The following PCSK9 variants were observed in gnomAD, a reference collection of about 807,000 sequenced individuals.
PCSK9 encodes the protein convertase subtilisin/kexin type 9 preproprotein.
Under a neutral mutation model 62.1 loss-of-function variants are expected in PCSK9, and 57 were observed. The observed-to-expected ratio is 0.92, with a 90% CI of 0.74 to 1.14. The LOEUF is 1.14. Among genes scored for constraint, PCSK9 ranks in the 50% most tolerant of loss-of-function variants. The probability of loss-of-function intolerance (pLI) is 0.00; values close to 1 mark genes in which losing one functional copy is unlikely to be tolerated. For missense variants in PCSK9, 870 were observed against 959.8 expected, an observed-to-expected ratio of 0.91 and a Z score of 1.24; for synonymous variants, 387 against 409.4, an observed-to-expected ratio of 0.95 and a Z score of 0.66.
Position 55,063,507 on chromosome 1 carries a change from A to G in PCSK9, c.2002A>G (p.Ser668Gly), listed in dbSNP as rs775077080. 2.5e-5 allele frequency: 40 copies of G among 1,613,848 alleles called. No individual in the cohort carries two copies. In the Admixed American group the frequency reaches 2.5e-4, roughly 10 times the overall value. The change falls in exon 12 of 12, where the codon AGC becomes GGC. Residue 668 changes from serine (S) to glycine (G), a missense_variant. Transcript: ENST00000302118. ...GGACGTCAGCACTACAGGCAGCACC[A>G]GCGAAGGGGCCGTGACAGCCGTTGC... ...SRDVSTTGST[S>G]EGAVTAVAIC...
rs574653669 is a variant in PCSK9 at position 55,039,698 on chromosome 1, C to T, written c.-140C>T. Reference sequence around the variant, plus strand: ...CTCCCAGCTCCCAGCCAGGATTCCGCGCGCCCCTTCACGCGCCCTGCTCCT... The same window carrying T: ...CTCCCAGCTCCCAGCCAGGATTCCGTGCGCCCCTTCACGCGCCCTGCTCCT... On this transcript the variant is annotated 5_prime_UTR_variant, in exon 1 of 12. Transcript: ENST00000302118. 4.3e-4 allele frequency: 429 copies of T among 1,006,036 alleles called. 5 individuals are homozygous for T. In the South Asian group the frequency reaches 6.4e-3, roughly 15 times the overall value. The allele number at this position is 1,006,036 out of a possible 1,614,324, so 62.3% of individuals were successfully genotyped here.
In PCSK9 at chr1:55,052,342, C is replaced by G. The variant is rs762910129; in HGVS notation, c.588C>G (p.Ile196Met). 6.2e-7 allele frequency: 1 copy of G among 1,613,832 alleles called. No individual in the cohort carries two copies. The highest frequency in any genetic ancestry group is 1.3e-5 in the African/African-American group (1 of 74,872). The change falls in exon 4 of 12, where the codon ATC (isoleucine) becomes ATG (methionine). Residue 196 changes from isoleucine (I) to methionine (M), a missense_variant. Coordinates refer to ENST00000302118, the MANE Select transcript of PCSK9 (RefSeq NM_174936.4). ...DTSIQSDHRE[I>M]EGRVMVTDFE... ...GCATACAGAGTGACCACCGGGAAAT[C>G]GAGGGCAGGGTCATGGTCACCGACT...
Position 55,064,460 on chromosome 1 carries a change from C to G in PCSK9, c.*876C>G, listed in dbSNP as rs1171392767. 6.6e-6 allele frequency: 1 copy of G among 152,248 alleles called. No homozygotes were observed. Among genetic ancestry groups the G allele is most frequent in the Non-Finnish European group, 1.5e-5 (1 of 68,058 alleles). 9.4% of individuals were successfully genotyped at this position (152,248 alleles called of 1,614,324 possible). A position where few individuals can be genotyped will look rare whatever the true frequency, so the allele number is the denominator to read the frequency against. ...GGCTGGCTCTGAAGCCAAGCCTCTT[C>G]TTACTTCACCCGGCTGGGCTCCTCA... On this transcript the variant is annotated 3_prime_UTR_variant, in exon 12 of 12. Coordinates refer to ENST00000302118, the MANE Select transcript of PCSK9 (RefSeq NM_174936.4).
chr1:55,052,527 G>A, intron 4 of PCSK9, 116 bp downstream of exon 4: 1 of 1,600,638 alleles, frequency 6.2e-7, no homozygotes, highest in Non-Finnish European at 8.5e-7. Flanking sequence ...ACCCCCCCCA[G>A]CTGTCACTGT....
At chr1:55,041,204 G>T (rs533253922) in intron 1 of PCSK9, among the ~76,000 whole-genome samples, 2 of 152,326 alleles carry the variant, frequency 1.3e-5, no homozygotes, top group Admixed American at 1.3e-4. Context: ...AGTGTGACCT[G>T]TTGGTGACAT....
intron 9 of PCSK9, 61 bp downstream of exon 9, chr1:55,058,708 T>C (rs1414251573): frequency 2.6e-6 from 4 of 1,517,524 alleles, no homozygotes; most frequent in Admixed American, 2.1e-5. Context: ...TGTGTGTGTG[T>C]GTGTGTGTGT....
chr1:55,063,863 G>A lies in PCSK9; in HGVS notation c.*279G>A, dbSNP rs1644781821. On this transcript the variant is annotated 3_prime_UTR_variant, in exon 12 of 12. Transcript: ENST00000302118. ...TTCAAACAGGTCGAGCTGTGCTCGG[G>A]TGCTGCCAGCTGCTCCCAATGTGCC... The A allele has an allele frequency of 1.9e-6, 1 of 521,008 alleles. No homozygotes were observed. The highest frequency in any genetic ancestry group is 3.4e-6 in the Non-Finnish European group (1 of 290,952). 32.3% of individuals were successfully genotyped at this position (521,008 alleles called of 1,614,324 possible). A position where few individuals can be genotyped will look rare whatever the true frequency, so the allele number is the denominator to read the frequency against.
chr1:55,046,012 G>GCA (rs1175979240), intron 2 of PCSK9, among the ~76,000 whole-genome samples: 1 of 152,180 alleles, frequency 6.6e-6, no homozygotes, highest in Non-Finnish European at 1.5e-5. Flanking sequence ...CCCAGCTGCT[G>GCA]ATGCACTCTT....
chr1:55,048,741 G>T lies in PCSK9; in HGVS notation c.523+2095G>T, dbSNP rs28362227. Among the ~76,000 whole-genome samples, 329 of 152,344 alleles carry T rather than the reference G, an allele frequency of 2.2e-3. 1 individual carries two copies. Among genetic ancestry groups the T allele is most frequent in the African/African-American group, 7.7e-3 (321 of 41,576 alleles). ...CTCTTAACTGTGTGACCTTGCATAC[G>T]TCACTCACCCTCTCTGATCTTCAGG... On this transcript the variant is annotated intron_variant, in intron 3 of 11. Coordinates refer to ENST00000302118, the MANE Select transcript of PCSK9 (RefSeq NM_174936.4).
At chr1:55,048,506 G>A (rs1451625150) in intron 3 of PCSK9, among the ~76,000 whole-genome samples, 2 of 152,174 alleles carry the variant, frequency 1.3e-5, no homozygotes, top group African/African-American at 4.8e-5. Flanking sequence ...CGCTTCCCCC[G>A]AGTGTCTGTG....
chr1:55,055,930 G>C, intron 5 of PCSK9, 63 bp from the exon 6 acceptor site: 2 of 1,475,860 alleles, frequency 1.4e-6, no homozygotes, highest in South Asian at 2.5e-5. Flanking sequence ...GTGCCTGTAA[G>C]GGAGGGGCTG....
Position 55,061,559 on chromosome 1 carries a change from G to A in PCSK9, c.1863+3G>A. The A allele has an allele frequency of 6.3e-7, 1 of 1,591,226 alleles. No individual in the cohort carries two copies. The highest frequency in any genetic ancestry group is 8.6e-7 in the Non-Finnish European group (1 of 1,168,956). On this transcript the variant is annotated splice_donor_region_variant and intron_variant, in intron 11 of 11. Transcript: ENST00000302118. ...GAATCCCGGCCCCTCAGGAGCAGGT[G>A]AAGAGGCCCGTGAGGCCGGGTGGGT...
chr1:55,063,278 T>C (rs551862551), intron 11 of PCSK9, 91 bp from the exon 12 acceptor site: 78 of 1,424,042 alleles, frequency 5.5e-5, no homozygotes, highest in Non-Finnish European at 7.4e-5. Context: ...CACTTTGGCC[T>C]CACAGAAGGA....
In PCSK9 at chr1:55,040,094, G is replaced by T; in HGVS notation, c.207+50G>T. 6.5e-7 allele frequency: 1 copy of T among 1,540,364 alleles called. No individual in the cohort carries two copies. Among genetic ancestry groups the T allele is most frequent in the Non-Finnish European group, 8.8e-7 (1 of 1,140,280 alleles). The stretch of plus-strand genomic sequence containing the variant: ...GGGGCGAACCCGCAGCCGGGACGGT[G>T]CGGTGCTGTTTCCTCTCGGGCCTCA... On this transcript the variant is annotated intron_variant, in intron 1 of 11. Transcript: ENST00000302118. The surrounding 1 kb of genome is among the most constrained non-coding windows in gnomAD (Gnocchi z 4.1).
At chr1:55,041,400 C>T (rs1458234400) in intron 1 of PCSK9, among the ~76,000 whole-genome samples, 2 of 152,080 alleles carry the variant, frequency 1.3e-5, no homozygotes, top group Admixed American at 1.3e-4. Flanking sequence ...GGGTTGTGGC[C>T]AGGATAAGAA....
rs145770391 is a variant in PCSK9, at chr1:55,063,434, C to G, written c.1929C>G (p.His643Gln). The G allele has an allele frequency of 6.2e-7, 1 of 1,613,982 alleles. No homozygotes were observed. Among genetic ancestry groups the G allele is most frequent in the Non-Finnish European group, 8.5e-7 (1 of 1,179,966 alleles). Residue 643 changes from histidine (H) to glutamine (Q), a missense_variant, in exon 12 of 12, where the codon CAC (histidine) becomes CAG (glutamine). Coordinates refer to ENST00000302118, the MANE Select transcript of PCSK9 (RefSeq NM_174936.4). Reference sequence around the variant, plus strand: ...GCAGTGCCCTCCCTGGGACCTCCCACGTCCTGGGGGCCTACGCCGTAGACA... The same window carrying G: ...GCAGTGCCCTCCCTGGGACCTCCCAGGTCCTGGGGGCCTACGCCGTAGACA... ...TGCSALPGTSHVLGAYAVDNT... is the reference protein window; with the variant it reads ...TGCSALPGTSQVLGAYAVDNT...
intron 9 of PCSK9, among the ~76,000 whole-genome samples, chr1:55,058,943 G>A (rs1207175272): frequency 1.3e-5 from 2 of 152,218 alleles, no homozygotes; most frequent in African/African-American, 4.8e-5. Flanking sequence ...GCAGGGCCGC[G>A]TGAGGGTCAG....
rs1238251362 is a variant in PCSK9, at chr1:55,040,149, G to C, written c.207+105G>C. 2.1e-6 allele frequency: 3 copies of C among 1,419,426 alleles called. No homozygotes were observed. The East Asian group carries it at 7.5e-5, about 36-fold the overall frequency. The allele number at this position is 1,419,426 out of a possible 1,614,324, so 87.9% of individuals were successfully genotyped here. A position where few individuals can be genotyped will look rare whatever the true frequency, so the allele number is the denominator to read the frequency against. On this transcript the variant is annotated intron_variant, in intron 1 of 11. Transcript: ENST00000302118. The surrounding 1 kb of genome is among the most constrained non-coding windows in gnomAD (Gnocchi z 4.1). ...CCCCCCATGTAAGAGAGGAAGTGGA[G>C]TGCAGGTCGCCGAGGGCTCTTCGCT...
chr1:55,047,314 T>C (rs1422319305), intron 3 of PCSK9, among the ~76,000 whole-genome samples: 1 of 152,018 alleles, frequency 6.6e-6, no homozygotes, highest in African/African-American at 2.4e-5. Context: ...GAATGAAGGG[T>C]TCTAGTTGGA....
Sources: gnomAD v4.1 joint callset for allele counts (sites outside exome capture counted in the v4.1 genomes callset) on GRCh38, gnomAD v4.1.1 for gene constraint, Gnocchi (gnomAD v3.1) non-coding constraint, MANE v1.5 for transcripts, NCBI Gene and HGNC (gene_info 2026-07-23, HGNC 2026-07-21) for gene names.